The following CHST9 variants were observed in gnomAD, a reference collection of about 807,000 sequenced individuals.
CHST9 encodes the protein carbohydrate sulfotransferase 9, also known as GalNAc-4-sulfotransferase 2.
In CHST9, 41 loss-of-function variants were observed where a neutral mutation model predicts 44.4. That is an observed-to-expected ratio of 0.92 (90% CI 0.72 to 1.20). The LOEUF (loss-of-function observed/expected upper bound fraction) is 1.20, where lower values mean the gene tolerates loss of function less well. CHST9 is among the 50% of genes most tolerant of loss of function. The pLI is 0.00. For synonymous variants in CHST9, 171 were observed against 178.4 expected (o/e 0.96, Z 0.33); for missense variants, 504 against 516.5 (o/e 0.98, Z 0.23).
At chr18:27,131,961 C>A (rs377104972) in intron 2 of CHST9, among the ~76,000 whole-genome samples, 1 of 152,158 alleles carries the variant, frequency 6.6e-6, no homozygotes, top group Non-Finnish European at 1.5e-5. Flanking sequence ...CTGGGCCAAC[C>A]AATGTATACC....
At chr18:27,075,789 C>T (rs1336763658) in intron 2 of CHST9, among the ~76,000 whole-genome samples, 1 of 152,130 alleles carries the variant, frequency 6.6e-6, no homozygotes. Flanking sequence ...AAATTGATTA[C>T]ACAACACCTA....
intron 5 of CHST9, among the ~76,000 whole-genome samples, chr18:26,943,274 G>T (rs1394432954): frequency 6.6e-6 from 1 of 152,124 alleles, no homozygotes; most frequent in Non-Finnish European, 1.5e-5. Context: ...TTAAATTTTG[G>T]CTACTGAATT....
chr18:26,953,997 C>T (rs534892926), intron 4 of CHST9, among the ~76,000 whole-genome samples: 21 of 152,256 alleles, frequency 1.4e-4, no homozygotes, highest in South Asian at 8.3e-4. Flanking sequence ...GGTGCAAATA[C>T]GCCCATTATA....
rs163044 is a variant in CHST9, at chr18:26,907,468, C to G, written c.*8791G>C. 127,662 of 151,954 alleles carry G rather than the reference C, an allele frequency of 0.84. 53,750 individuals are homozygous for G. Among genetic ancestry groups the G allele is most frequent in the African/African-American group, 0.89 (36,688 of 41,430 alleles). The allele number at this position is 151,954 out of a possible 1,614,324, so 9.4% of individuals were successfully genotyped here. The stretch of plus-strand genomic sequence containing the variant: ...ATCAAAGTTCGTGATAGAAACATAG[C>G]CTAGAAAAAGATTTCGGAACCATCA... On this transcript the variant is annotated 3_prime_UTR_variant, in exon 6 of 6. Coordinates refer to ENST00000618847, the MANE Select transcript of CHST9 (RefSeq NM_031422.6).
Position 26,917,283 on chromosome 18 carries a change from C to A in CHST9, c.308G>T (p.Arg103Ile). ...GGTCTTTGTTAAGAGCCTAGTAGAT[C>A]TCTCAGAATTGAGTAGAAGATTTTC... The part of the protein sequence containing the change: ...KKENLLLNSE[R>I]STRLLTKTSH... The change falls in exon 6 of 6, where the codon AGA (arginine) becomes ATA (isoleucine). Residue 103 changes from arginine to isoleucine, a missense_variant. Coordinates refer to ENST00000618847, the MANE Select transcript of CHST9 (RefSeq NM_031422.6). The A allele has an allele frequency of 6.2e-7, 1 of 1,613,722 alleles. No homozygotes were observed. The highest frequency in any genetic ancestry group is 8.5e-7 in the Non-Finnish European group (1 of 1,179,744).
chr18:27,025,761 C>T (rs764049723), intron 3 of CHST9, among the ~76,000 whole-genome samples: 2 of 152,132 alleles, frequency 1.3e-5, no homozygotes, highest in Admixed American at 6.5e-5. Context: ...GTAATTGCAA[C>T]TCTATATTTA....
intron 5 of CHST9, among the ~76,000 whole-genome samples, chr18:26,927,192 T>A (rs2055783930): frequency 6.6e-6 from 1 of 152,158 alleles, no homozygotes. Context: ...ACCAGCTGTC[T>A]TGTGTTGCAA....
intron 2 of CHST9, among the ~76,000 whole-genome samples, chr18:27,087,568 T>C (rs957426536): frequency 6.6e-6 from 1 of 152,224 alleles, no homozygotes; most frequent in Non-Finnish European, 1.5e-5. Context: ...TACTAGATCC[T>C]GTTTTGCAAA....
intron 5 of CHST9, among the ~76,000 whole-genome samples, chr18:26,928,090 G>C (rs1225580191): frequency 2.6e-5 from 4 of 152,106 alleles, no homozygotes; most frequent in African/African-American, 9.7e-5. Context: ...CACTTGTTTC[G>C]GGGAGCACAG....
In CHST9 at chr18:26,909,603, C is replaced by T. The variant is rs968420489; in HGVS notation, c.*6656G>A. 2 of 152,100 alleles carry T rather than the reference C, an allele frequency of 1.3e-5. No homozygotes were observed. Among genetic ancestry groups the T allele is most frequent in the African/African-American group, 4.8e-5 (2 of 41,418 alleles). 9.4% of individuals were successfully genotyped at this position (152,100 alleles called of 1,614,324 possible). ...GTGCATTTTTATTTATTATATAGTA[C>T]ATCCAAAAATCATTTTTCTAAACTT... is the stretch of plus-strand genomic sequence containing the variant. On this transcript the variant is annotated 3_prime_UTR_variant, in exon 6 of 6. Transcript: ENST00000618847.
chr18:27,076,216 A>T (rs1407709945), intron 2 of CHST9, among the ~76,000 whole-genome samples: 3 of 152,228 alleles, frequency 2.0e-5, no homozygotes, highest in African/African-American at 7.2e-5. Context: ...CTGAGAGTTT[A>T]GTTAAATGAG....
At chr18:26,952,269 C>T in intron 4 of CHST9, 2 of 525,156 alleles carry the variant, frequency 3.8e-6, no homozygotes, top group South Asian at 1.4e-5. Flanking sequence ...ATCCAGTCGG[C>T]TTTTCAGGGT....
intron 2 of CHST9, among the ~76,000 whole-genome samples, chr18:27,065,321 AATAG>A (rs1353300596): frequency 6.6e-6 from 1 of 152,214 alleles, no homozygotes; most frequent in Admixed American, 6.5e-5. Context: ...ACTGTGTGCA[AATAG>A]ATAGTATTAA....
intron 2 of CHST9, among the ~76,000 whole-genome samples, chr18:27,093,629 C>T (rs1401426912): frequency 3.9e-5 from 6 of 152,188 alleles, no homozygotes; most frequent in Admixed American, 3.3e-4. Flanking sequence ...AAGAGTCTCC[C>T]GATTTTCCAG....
At chr18:27,038,033 A>G (rs2057407480) in intron 3 of CHST9, among the ~76,000 whole-genome samples, 1 of 152,186 alleles carries the variant, frequency 6.6e-6, no homozygotes, top group Non-Finnish European at 1.5e-5. Context: ...TGAAACCAGG[A>G]CCTAATACAC....
intron 3 of CHST9, among the ~76,000 whole-genome samples, chr18:27,041,040 CATT>C (rs2057439116): frequency 6.6e-6 from 1 of 152,046 alleles, no homozygotes; most frequent in Admixed American, 6.6e-5. Context: ...TAGTTACTGT[CATT>C]ATTATATTGA....
chr18:27,040,200 T>C (rs2057430318), intron 3 of CHST9, among the ~76,000 whole-genome samples: 1 of 152,158 alleles, frequency 6.6e-6, no homozygotes, highest in African/African-American at 2.4e-5. Context: ...TTTATATATA[T>C]GGCTTACATT....
intron 4 of CHST9, among the ~76,000 whole-genome samples, chr18:26,975,268 C>G (rs1268545328): frequency 6.6e-6 from 1 of 152,110 alleles, no homozygotes; most frequent in African/African-American, 2.4e-5. Context: ...CCACACTCAG[C>G]CTGACTTTCC....
chr18:27,167,802 G>C (rs1401858964), intron 1 of CHST9, among the ~76,000 whole-genome samples: 1 of 152,142 alleles, frequency 6.6e-6, no homozygotes, highest in African/African-American at 2.4e-5. Context: ...TCTGAAGTAT[G>C]GGAAGGATCT....
Sources: gnomAD v4.1 joint callset for allele counts (sites outside exome capture counted in the v4.1 genomes callset) on GRCh38, gnomAD v4.1.1 for gene constraint, MANE v1.5 for transcripts, NCBI Gene and HGNC (gene_info 2026-07-23, HGNC 2026-07-21) for gene names.